Variants in SH3GL3 observed in about 807,000 individuals in gnomAD.
SH3GL3 encodes endophilin-A3.
In SH3GL3, 33 loss-of-function variants were observed where a neutral mutation model predicts 47.7. The ratio of observed to expected loss-of-function variants is 0.69; its 90% CI spans 0.52 to 0.92. The LOEUF is 0.92. Among genes scored for constraint, SH3GL3 ranks in the 40% least tolerant of loss-of-function variants. The probability of loss-of-function intolerance (pLI) is 0.00; values close to 1 mark genes in which losing one functional copy is unlikely to be tolerated. For synonymous variants in SH3GL3, 155 were observed against 148.8 expected, an observed-to-expected ratio of 1.04 and a Z score of -0.30; for missense variants, 363 against 417.8, an observed-to-expected ratio of 0.87 and a Z score of 1.14.
At chr15:83,508,949 G>C (rs2042632184) in intron 1 of SH3GL3, among the ~76,000 whole-genome samples, 1 of 152,148 alleles carries the variant, frequency 6.6e-6, no homozygotes, top group South Asian at 2.1e-4. Flanking sequence ...AGAGGGGCCG[G>C]GGTAGAAGCA....
intron 8 of SH3GL3, among the ~76,000 whole-genome samples, chr15:83,614,021 A>G (rs573330568): frequency 5.9e-5 from 9 of 152,324 alleles, no homozygotes; most frequent in African/African-American, 2.2e-4. Context: ...TGCTAAAAGA[A>G]TAATAATTAT....
intron 1 of SH3GL3, among the ~76,000 whole-genome samples, chr15:83,542,949 CT>C (rs901910359): frequency 1.1e-4 from 16 of 151,634 alleles, no homozygotes; most frequent in African/African-American, 3.6e-4. Context: ...ATTTAGATCC[CT>C]TTTTTTCTTT....
chr15:83,588,253 C>T (rs562345500), intron 7 of SH3GL3, among the ~76,000 whole-genome samples: 9 of 152,166 alleles, frequency 5.9e-5, no homozygotes, highest in Non-Finnish European at 1.3e-4. Context: ...GCCTAAGCCT[C>T]CCGAGTAGCT....
intron 1 of SH3GL3, among the ~76,000 whole-genome samples, chr15:83,538,159 G>T (rs1465698473): frequency 1.3e-5 from 2 of 152,130 alleles, no homozygotes; most frequent in East Asian, 3.9e-4. Context: ...ACTCTGTATG[G>T]CTTTGTTGTG....
At chr15:83,603,062 G>A (rs1191410852) in intron 8 of SH3GL3, among the ~76,000 whole-genome samples, 1 of 150,940 alleles carries the variant, frequency 6.6e-6, no homozygotes, top group South Asian at 2.1e-4. Context: ...TGCAGTGGTG[G>A]GATCTCGGCC....
rs929618791 is a variant in SH3GL3, at chr15:83,448,971, G to T, written c.45+1393G>T. On this transcript the variant is annotated intron_variant, in intron 1 of 8. Coordinates refer to ENST00000427482, the MANE Select transcript of SH3GL3 (RefSeq NM_003027.5). This position sits in a 1 kb window ranked among gnomAD's most constrained non-coding sequence, Gnocchi z 4.2. ...TCTTTGGGACATTCACATGTCACTG[G>T]CCTGGGTTGGGGTGCATATCCTGAC... is the stretch of plus-strand genomic sequence containing the variant. 3.3e-5 allele frequency among the ~76,000 whole-genome samples: 5 copies of T among 152,168 alleles called. No homozygotes were observed. The highest frequency in any genetic ancestry group is 1.2e-4 in the African/African-American group (5 of 41,436).
intron 1 of SH3GL3, among the ~76,000 whole-genome samples, chr15:83,495,372 C>G (rs1166784515): frequency 2.6e-5 from 4 of 152,096 alleles, no homozygotes; most frequent in African/African-American, 7.2e-5. Flanking sequence ...CTTGGAGTCC[C>G]TCGGAACTGG....
chr15:83,553,601 G>T (rs1161227589), intron 1 of SH3GL3, among the ~76,000 whole-genome samples: 1 of 152,032 alleles, frequency 6.6e-6, no homozygotes, highest in East Asian at 1.9e-4. Context: ...TTCTATATGG[G>T]TATCATAGTT....
At chr15:83,588,017 G>C (rs1179099464) in intron 7 of SH3GL3, among the ~76,000 whole-genome samples, 1 of 152,186 alleles carries the variant, frequency 6.6e-6, no homozygotes, top group African/African-American at 2.4e-5. Context: ...TATAAGAGTA[G>C]AGTGAGGGAG....
At chr15:83,505,004 A>T (rs534517539) in intron 1 of SH3GL3, among the ~76,000 whole-genome samples, 1 of 152,258 alleles carries the variant, frequency 6.6e-6, no homozygotes, top group Non-Finnish European at 1.5e-5. Flanking sequence ...TGTATTTTAA[A>T]ATTGGGTCTT....
chr15:83,607,249 T>C (rs571162352), intron 8 of SH3GL3, among the ~76,000 whole-genome samples: 3 of 152,356 alleles, frequency 2.0e-5, no homozygotes, highest in Non-Finnish European at 2.9e-5. Context: ...AATACCATCA[T>C]CTAAATATTA....
intron 1 of SH3GL3, among the ~76,000 whole-genome samples, chr15:83,542,295 A>T (rs1389234101): frequency 6.6e-6 from 1 of 152,112 alleles, no homozygotes; most frequent in Admixed American, 6.5e-5. Flanking sequence ...GTATGGATTT[A>T]TCCCTGGGTT....
intron 1 of SH3GL3, among the ~76,000 whole-genome samples, chr15:83,497,132 G>C (rs1349757309): frequency 1.3e-5 from 2 of 152,088 alleles, no homozygotes. Context: ...CATATTTATG[G>C]CTTCAGCTTC....
At chr15:83,516,800 G>C (rs1365473943) in intron 1 of SH3GL3, among the ~76,000 whole-genome samples, 3 of 152,022 alleles carry the variant, frequency 2.0e-5, no homozygotes, top group African/African-American at 7.3e-5. Flanking sequence ...TATCCAAACT[G>C]TATCAGGAGG....
chr15:83,456,801 A>G lies in SH3GL3; in HGVS notation c.45+9223A>G, dbSNP rs955704364. Among the ~76,000 whole-genome samples, 5 of 151,944 alleles carry G rather than the reference A, an allele frequency of 3.3e-5. No homozygotes were observed. The East Asian group carries it at 9.7e-4, about 29-fold the overall frequency. Reference sequence around the variant, plus strand: ...GCTCACGCTGGGAGCTGTAGACCGGAGCTGTTCCTATTCGGCCATCTTGGC... The same window carrying G: ...GCTCACGCTGGGAGCTGTAGACCGGGGCTGTTCCTATTCGGCCATCTTGGC... On this transcript the variant is annotated intron_variant, in intron 1 of 8. Transcript: ENST00000427482.
At chr15:83,628,124 G>C in the SH3GL3 span, among the ~76,000 whole-genome samples, 1 of 152,200 alleles carries the variant, frequency 6.6e-6, no homozygotes, top group East Asian at 1.9e-4. Flanking sequence ...CTAAGTGGGA[G>C]AGGGGGCTGT....
intron 1 of SH3GL3, among the ~76,000 whole-genome samples, chr15:83,502,781 G>C: frequency 6.6e-6 from 1 of 152,134 alleles, no homozygotes; most frequent in East Asian, 1.9e-4. Context: ...CAGGCTGGGG[G>C]CTCAAGGTTT....
chr15:83,476,198 G>T (rs1850828320), intron 1 of SH3GL3, among the ~76,000 whole-genome samples: 1 of 152,122 alleles, frequency 6.6e-6, no homozygotes, highest in South Asian at 2.1e-4. Flanking sequence ...GCTTGGCAAG[G>T]TCAAGTAAAA....
intron 1 of SH3GL3, among the ~76,000 whole-genome samples, chr15:83,468,688 C>G (rs2040692221): frequency 6.6e-6 from 1 of 152,042 alleles, no homozygotes; most frequent in East Asian, 1.9e-4. Flanking sequence ...CCAGCAAAAC[C>G]CACTTGGTCA....
Sources: gnomAD v4.1 joint callset for allele counts (sites outside exome capture counted in the v4.1 genomes callset) on GRCh38, gnomAD v4.1.1 for gene constraint, Gnocchi (gnomAD v3.1) non-coding constraint, MANE v1.5 for transcripts, NCBI Gene and HGNC (gene_info 2026-07-23, HGNC 2026-07-21) for gene names.